The following CABCOCO1 variants were observed in gnomAD, a reference collection of about 807,000 sequenced individuals.
CABCOCO1 encodes the protein ciliary associated calcium binding coiled-coil 1.
A neutral mutation model predicts 35.7 loss-of-function variants in CABCOCO1; 28 were observed. The observed-to-expected ratio is 0.78, with a 90% CI of 0.58 to 1.07. The LOEUF (loss-of-function observed/expected upper bound fraction) is 1.07, where lower values mean the gene tolerates loss of function less well. CABCOCO1 is among the 50% of genes least tolerant of loss of function. CABCOCO1 has a pLI of 0.00. For missense variants in CABCOCO1, 326 were observed against 309.2 expected (o/e 1.05, Z -0.41); for synonymous variants, 95 against 100.1 (o/e 0.95, Z 0.30).
At chr10:61,697,579 T>C (rs943192998) in intron 5 of CABCOCO1, among the ~76,000 whole-genome samples, 2 of 152,022 alleles carry the variant, frequency 1.3e-5, no homozygotes, top group African/African-American at 4.8e-5. Context: ...TTTTGGGTAG[T>C]TGGGTGGAAA....
chr10:61,741,755 G>A (rs939706219), intron 5 of CABCOCO1, among the ~76,000 whole-genome samples: 10 of 152,180 alleles, frequency 6.6e-5, no homozygotes, highest in Admixed American at 3.3e-4. Context: ...AGGGTTAAGT[G>A]TATTGTTGAG....
At chr10:61,763,230 T>C (rs1842044153) in intron 7 of CABCOCO1, among the ~76,000 whole-genome samples, 1 of 152,152 alleles carries the variant, frequency 6.6e-6, no homozygotes, top group African/African-American at 2.4e-5. Flanking sequence ...TACAGTTGTT[T>C]TCAAAATTCC....
intron 5 of CABCOCO1, among the ~76,000 whole-genome samples, chr10:61,739,491 T>A (rs1355739057): frequency 6.6e-6 from 1 of 152,248 alleles, no homozygotes; most frequent in Non-Finnish European, 1.5e-5. Context: ...ATGAGACTGG[T>A]ATGATAACAG....
rs556774770 is a variant in CABCOCO1, at chr10:61,676,397, C to T, written c.164+3662C>T. On this transcript the variant is annotated intron_variant, in intron 2 of 7. Transcript: ENST00000648843. Reference sequence around the variant, plus strand: ...TTAAATCCAATATGGTAATAATAGACTGAAACAATTATTCTAGAACATCAA... The same window carrying T: ...TTAAATCCAATATGGTAATAATAGATTGAAACAATTATTCTAGAACATCAA... 3.3e-5 allele frequency among the ~76,000 whole-genome samples: 5 copies of T among 152,164 alleles called. No homozygotes were observed. The South Asian group carries it at 1.0e-3, about 32-fold the overall frequency.
chr10:61,742,981 T>G (rs550460158), intron 5 of CABCOCO1, among the ~76,000 whole-genome samples: 1 of 152,302 alleles, frequency 6.6e-6, no homozygotes, highest in African/African-American at 2.4e-5. Context: ...TTCTTAATCA[T>G]ATGCACAGCA....
chr10:61,738,018 GC>G (rs1393476456), intron 5 of CABCOCO1, among the ~76,000 whole-genome samples: 1 of 149,736 alleles, frequency 6.7e-6, no homozygotes, highest in Non-Finnish European at 1.5e-5. Flanking sequence ...ACCAATTAAA[GC>G]GTATACAAAA....
At chr10:61,715,766 A>G (rs953728595) in intron 5 of CABCOCO1, among the ~76,000 whole-genome samples, 2 of 152,164 alleles carry the variant, frequency 1.3e-5, no homozygotes, top group Non-Finnish European at 2.9e-5. Context: ...TCCTTCACTT[A>G]TGAAGCTTAG....
chr10:61,718,913 GA>G (rs1840931503), intron 5 of CABCOCO1, among the ~76,000 whole-genome samples: 1 of 152,118 alleles, frequency 6.6e-6, no homozygotes, highest in South Asian at 2.1e-4. Context: ...TAGGTGCTTA[GA>G]AATTGATTTC....
At position 61,700,782 on chromosome 10, in the gene CABCOCO1, A is replaced by G. The variant is rs182431833; in HGVS notation, c.552+10161A>G. Among the ~76,000 whole-genome samples, 170 of 152,208 alleles carry G rather than the reference A, an allele frequency of 1.1e-3. 1 individual carries two copies. Among genetic ancestry groups the G allele is most frequent in the African/African-American group, 3.9e-3 (161 of 41,568 alleles). Reference sequence around the variant, plus strand: ...AGTTTAAAATTCTTATGGTGCCTCTATATAATTCTATCATCAAGAGTATTC... The same window carrying G: ...AGTTTAAAATTCTTATGGTGCCTCTGTATAATTCTATCATCAAGAGTATTC... On this transcript the variant is annotated intron_variant, in intron 5 of 7. Transcript: ENST00000648843.
At chr10:61,666,569 T>C (rs1023713254) in intron 1 of CABCOCO1, among the ~76,000 whole-genome samples, 1 of 152,160 alleles carries the variant, frequency 6.6e-6, no homozygotes, top group African/African-American at 2.4e-5. Context: ...GTTTACTGTC[T>C]TATTTAAGAA....
chr10:61,710,789 T>A (rs111685016), intron 5 of CABCOCO1, among the ~76,000 whole-genome samples: 1 of 151,764 alleles, frequency 6.6e-6, no homozygotes, highest in Non-Finnish European at 1.5e-5. Context: ...AAACTCTGAA[T>A]ATGAGCATGT....
chr10:61,704,152 A>G (rs1167173534), intron 5 of CABCOCO1, among the ~76,000 whole-genome samples: 1 of 152,090 alleles, frequency 6.6e-6, no homozygotes, highest in Non-Finnish European at 1.5e-5. Context: ...TGAACCTGGG[A>G]GGTGGAGGTT....
In CABCOCO1 at chr10:61,766,165, A is replaced by G. The variant is rs2132101858; in HGVS notation, c.*152A>G. The stretch of plus-strand genomic sequence containing the variant: ...TATTTTCCTAAGTAATTAGAAAAGT[A>G]TTGGTCCCAATTTTGCTATCTCCCA... On this transcript the variant is annotated 3_prime_UTR_variant, in exon 8 of 8. Coordinates refer to ENST00000648843, the MANE Select transcript of CABCOCO1 (RefSeq NM_001366906.2). 7 of 658,020 alleles carry G rather than the reference A, an allele frequency of 1.1e-5. No individual in the cohort carries two copies. The East Asian group carries it at 1.7e-4, about 16-fold the overall frequency. The allele number at this position is 658,020 out of a possible 1,614,324, so 40.8% of individuals were successfully genotyped here.
chr10:61,703,956 A>C (rs537634475), intron 5 of CABCOCO1, among the ~76,000 whole-genome samples: 2 of 152,240 alleles, frequency 1.3e-5, no homozygotes, highest in South Asian at 4.1e-4. Flanking sequence ...TCACGCCTGT[A>C]ATCCCAGCAC....
At chr10:61,688,135 T>G (rs1024275971) in intron 4 of CABCOCO1, among the ~76,000 whole-genome samples, 1 of 152,100 alleles carries the variant, frequency 6.6e-6, no homozygotes, top group Non-Finnish European at 1.5e-5. Flanking sequence ...ATCCTGCACA[T>G]GTACCCTTAA....
chr10:61,680,395 T>C (rs1489963243), intron 2 of CABCOCO1, among the ~76,000 whole-genome samples: 1 of 123,272 alleles, frequency 8.1e-6, no homozygotes, highest in Non-Finnish European at 1.5e-5. Flanking sequence ...AATATATATA[T>C]TTTTATATAT....
At chr10:61,680,558 ATATATT>A (rs1839709871) in intron 2 of CABCOCO1, among the ~76,000 whole-genome samples, 1 of 105,240 alleles carries the variant, frequency 9.5e-6, no homozygotes, top group African/African-American at 3.7e-5. Flanking sequence ...AACATATAAT[ATATATT>A]TGTATATATT....
chr10:61,727,944 AAAG>A (rs1841198819), intron 5 of CABCOCO1, among the ~76,000 whole-genome samples: 1 of 152,212 alleles, frequency 6.6e-6, no homozygotes, highest in Non-Finnish European at 1.5e-5. Context: ...GAAGGAAGGC[AAAG>A]TGTTTTATCA....
intron 5 of CABCOCO1, among the ~76,000 whole-genome samples, chr10:61,740,725 GA>G (rs374723076): frequency 6.6e-6 from 1 of 151,612 alleles, no homozygotes; most frequent in East Asian, 1.9e-4. Flanking sequence ...TGAGAACTGA[GA>G]AAAAAATTAA....
Sources: allele counts gnomAD v4.1 joint callset (sites outside exome capture counted in the v4.1 genomes callset), GRCh38; gene constraint gnomAD v4.1.1; transcripts MANE v1.5; gene names NCBI Gene and HGNC (gene_info 2026-07-23, HGNC 2026-07-21).